Variants in PCDH9 observed in about 807,000 individuals in gnomAD.
PCDH9 encodes protocadherin-9.
A neutral mutation model predicts 70.6 loss-of-function variants in PCDH9; 24 were observed. That is an observed-to-expected ratio of 0.34 (90% CI 0.25 to 0.48). The LOEUF is 0.48. Ranked by LOEUF, PCDH9 falls within the 20% of genes least tolerant of loss-of-function variation. The pLI is 0.99. For missense variants in PCDH9, 1,281 were observed against 1,503.6 expected (o/e 0.85, Z 2.45); for synonymous variants, 562 against 558.5 (o/e 1.01, Z -0.09).
chr13:66,416,948 A>T (rs868713428), intron 4 of PCDH9, among the ~76,000 whole-genome samples: 3 of 152,218 alleles, frequency 2.0e-5, no homozygotes, highest in African/African-American at 7.2e-5. Flanking sequence ...GTTATCAAAT[A>T]TTTTAACTGT....
At chr13:67,100,271 A>G (rs1185430679) in intron 2 of PCDH9, among the ~76,000 whole-genome samples, 2 of 152,194 alleles carry the variant, frequency 1.3e-5, no homozygotes, top group Admixed American at 6.5e-5. Context: ...CATAATGACA[A>G]TAAAAATAAT....
chr13:67,001,668 C>T (rs886481825), intron 2 of PCDH9, among the ~76,000 whole-genome samples: 1 of 152,130 alleles, frequency 6.6e-6, no homozygotes, highest in Non-Finnish European at 1.5e-5. Context: ...GGGCTGTGTA[C>T]GCTTAGTGGG....
intron 2 of PCDH9, among the ~76,000 whole-genome samples, chr13:67,121,842 C>G (rs1395941739): frequency 6.6e-6 from 1 of 151,944 alleles, no homozygotes; most frequent in East Asian, 1.9e-4. Flanking sequence ...TATCCTGTGC[C>G]TCCATTTCTT....
At chr13:67,127,764 T>C (rs1433797875) in intron 2 of PCDH9, among the ~76,000 whole-genome samples, 3 of 151,728 alleles carry the variant, frequency 2.0e-5, no homozygotes, top group Non-Finnish European at 2.9e-5. Flanking sequence ...AACCATGCCT[T>C]TTCTAATTGC....
chr13:67,205,206 C>T (rs1282066921), intron 2 of PCDH9: 1 of 152,052 alleles, frequency 6.6e-6, no homozygotes, highest in African/African-American at 2.4e-5. Context: ...ACAAAGGAAA[C>T]CCTGCTGTTC....
At chr13:67,224,740 T>C in intron 2 of PCDH9, 1 of 767,168 alleles carries the variant, frequency 1.3e-6, no homozygotes, top group Non-Finnish European at 1.6e-6. Flanking sequence ...CTTTTTTTTT[T>C]TTTTTTTGAA....
chr13:66,997,513 T>TTTTGTTTGG (rs2084143637), intron 2 of PCDH9, among the ~76,000 whole-genome samples: 1 of 150,788 alleles, frequency 6.6e-6, no homozygotes, highest in South Asian at 2.1e-4. Flanking sequence ...GTCTGTTTTG[T>TTTTGTTTGG]TTTGTTTTGT....
At position 66,808,516 on chromosome 13, in the gene PCDH9, C is replaced by CA. The variant is rs1386666219; in HGVS notation, c.3138+94987dup. On this transcript the variant is annotated intron_variant, in intron 3 of 4. Coordinates refer to ENST00000377865, the MANE Select transcript of PCDH9 (RefSeq NM_203487.3). ...ATTTCACTGCTAAAGTAAAACAAAA[C>CA]AAAACAAAAAAACAGAATTAGCACA... Among the ~76,000 whole-genome samples the CA allele has an allele frequency of 3.8e-5, 5 of 130,040 alleles. No individual in the cohort carries two copies. In the East Asian group the frequency reaches 1.1e-3, roughly 29 times the overall value. The allele number at this position is 130,040 out of a possible 152,430, so 85.3% of individuals were successfully genotyped here. A position where few individuals can be genotyped will look rare whatever the true frequency, so the allele number is the denominator to read the frequency against.
rs375236125 is a variant in PCDH9, at chr13:67,132,889, T to C, written c.3036+92516A>G. ...TACGTTCCTCCAAGCCCTGCTGAGA[T>C]CCCATTATATCCAGAAAGCCTATCC... On this transcript the variant is annotated intron_variant, in intron 2 of 4. Transcript: ENST00000377865. 2.8e-4 allele frequency among the ~76,000 whole-genome samples: 42 copies of C among 152,238 alleles called. 1 individual carries two copies. The South Asian group carries it at 8.5e-3, about 31-fold the overall frequency.
At chr13:67,078,746 C>T (rs545798879) in intron 2 of PCDH9, among the ~76,000 whole-genome samples, 12 of 152,252 alleles carry the variant, frequency 7.9e-5, no homozygotes, top group African/African-American at 2.9e-4. Flanking sequence ...GCCTTACTAT[C>T]TTTGTAAGGA....
chr13:67,142,451 T>C (rs1338149918), intron 2 of PCDH9, among the ~76,000 whole-genome samples: 1 of 152,172 alleles, frequency 6.6e-6, no homozygotes, highest in Non-Finnish European at 1.5e-5. Flanking sequence ...GCAATAGTTT[T>C]AATGGTTCAT....
intron 2 of PCDH9, among the ~76,000 whole-genome samples, chr13:67,081,367 G>A (rs190468364): frequency 4.3e-4 from 65 of 152,222 alleles, no homozygotes; most frequent in Non-Finnish European, 7.1e-4. Context: ...TCAAGAGCTC[G>A]AGACCAGCCT....
Position 66,631,260 on chromosome 13 carries a change from G to A in PCDH9, c.3290C>T (p.Ala1097Val), listed in dbSNP as rs781165816. The change falls in exon 4 of 5, where the codon GCC becomes GTC. Residue 1097 changes from alanine (A) to valine (V), a missense_variant. By Grantham distance (64) the Ala-to-Val change is moderately conservative. Coordinates refer to ENST00000377865, the MANE Select transcript of PCDH9 (RefSeq NM_203487.3). Reference sequence around the variant, plus strand: ...TGCTTCAGTCCTCTTGTCCGGAGAGGCCTGGTCATAGAATTCGTCCTGTGG... The same window carrying A: ...TGCTTCAGTCCTCTTGTCCGGAGAGACCTGGTCATAGAATTCGTCCTGTGG... ...VQPQDEFYDQ[A>V]SPDKRTEADG... 3 of 1,610,900 alleles carry A rather than the reference G, an allele frequency of 1.9e-6. No homozygotes were observed. The highest frequency in any genetic ancestry group is 3.3e-5 in the Admixed American group (2 of 60,018).
At chr13:66,309,008 C>T (rs1458836806) in intron 4 of PCDH9, among the ~76,000 whole-genome samples, 4 of 152,014 alleles carry the variant, frequency 2.6e-5, no homozygotes, top group African/African-American at 9.7e-5. Context: ...ATATAATTTG[C>T]TTTATGCTTT....
At chr13:67,069,935 AAG>A (rs1179500427) in intron 2 of PCDH9, among the ~76,000 whole-genome samples, 1 of 151,456 alleles carries the variant, frequency 6.6e-6, no homozygotes, top group African/African-American at 2.4e-5. Context: ...GGAAAAGACT[AAG>A]AACTTTTTTT....
chr13:66,884,855 A>G (rs561015208), intron 3 of PCDH9, among the ~76,000 whole-genome samples: 5 of 152,198 alleles, frequency 3.3e-5, no homozygotes, highest in Non-Finnish European at 7.3e-5. Context: ...CAAAAAAATG[A>G]CAAGTTACAT....
At chr13:66,814,126 C>T (rs994276334) in intron 3 of PCDH9, among the ~76,000 whole-genome samples, 2 of 152,000 alleles carry the variant, frequency 1.3e-5, no homozygotes, top group African/African-American at 4.8e-5. Context: ...AAAGTCAACA[C>T]GTAATATTTT....
chr13:67,131,025 T>C (rs545994681), intron 2 of PCDH9, among the ~76,000 whole-genome samples: 1 of 152,218 alleles, frequency 6.6e-6, no homozygotes, highest in Non-Finnish European at 1.5e-5. Flanking sequence ...AAACTGAAGA[T>C]ATTAATTAGA....
chr13:66,304,690 C>T lies in PCDH9; in HGVS notation c.3679G>A (p.Gly1227Ser). 5 of 1,613,278 alleles carry T rather than the reference C, an allele frequency of 3.1e-6. No individual in the cohort carries two copies. Among genetic ancestry groups the T allele is most frequent in the Non-Finnish European group, 4.2e-6 (5 of 1,179,530 alleles). The change falls in exon 5 of 5, where the codon GGT becomes AGT. Residue 1227 changes from glycine (G) to serine (S), a missense_variant. This residue lies in a region of PCDH9 where 264 missense variants were observed against 278.8 expected (regional missense o/e 0.95). Coordinates refer to ENST00000377865, the MANE Select transcript of PCDH9 (RefSeq NM_203487.3). ...TGCTCCTTAGGACTCTCAGTAGCACCTCCTGCTTGCTTATAAGACTTCAGA... is the reference window on the plus strand; with the variant it reads ...TGCTCCTTAGGACTCTCAGTAGCACTTCCTGCTTGCTTATAAGACTTCAGA... ...ANLKSYKQAG[G>S]ATESPKEHQL
Sources: allele counts gnomAD v4.1 joint callset (sites outside exome capture counted in the v4.1 genomes callset), GRCh38; gene constraint gnomAD v4.1.1; regional missense constraint gnomAD v4.1.1; transcripts MANE v1.5; gene names NCBI Gene and HGNC (gene_info 2026-07-23, HGNC 2026-07-21).